The following RUVBL1 variants were observed in gnomAD, a reference collection of about 807,000 sequenced individuals.
RUVBL1 encodes the protein RuvB like AAA ATPase 1.
Under a neutral mutation model 52.4 loss-of-function variants are expected in RUVBL1, and 4 were observed. The observed-to-expected ratio is 0.08, with a 90% CI of 0.04 to 0.17. The LOEUF (loss-of-function observed/expected upper bound fraction) is 0.17, where lower values mean the gene tolerates loss of function less well. RUVBL1 is among the 10% of genes least tolerant of loss of function. The probability of loss-of-function intolerance (pLI) is 1.00; values close to 1 mark genes in which losing one functional copy is unlikely to be tolerated. For missense variants in RUVBL1, 298 were observed against 572.8 expected, an observed-to-expected ratio of 0.52 and a Z score of 4.90; for synonymous variants, 217 against 214.4, an observed-to-expected ratio of 1.01 and a Z score of -0.10.
At chr3:128,146,117 G>A (rs572051363) in intron 1 of RUVBL1, among the ~76,000 whole-genome samples, 1 of 152,340 alleles carries the variant, frequency 6.6e-6, no homozygotes, top group South Asian at 2.1e-4. Flanking sequence ...TGCAGGACGT[G>A]ACAGTTGAAC....
chr3:128,153,808 C>G (rs766214260), exon 1 of RUVBL1: 1 of 1,517,142 alleles, frequency 6.6e-7, no homozygotes, highest in South Asian at 1.2e-5. Flanking sequence ...CTCCCTCATC[C>G]GGACCATCAT....
At chr3:128,086,806 A>G (rs1278002082) in intron 9 of RUVBL1, among the ~76,000 whole-genome samples, 1 of 152,240 alleles carries the variant, frequency 6.6e-6, no homozygotes, top group Non-Finnish European at 1.5e-5. Context: ...GCTCCAAACC[A>G]AGCAAGAGGC....
chr3:128,101,686 T>C (rs756695998), intron 4 of RUVBL1, 38 bp from the exon 5 acceptor site: 4 of 1,589,434 alleles, frequency 2.5e-6, no homozygotes, highest in Non-Finnish European at 3.4e-6. Flanking sequence ...GTAATACATA[T>C]TCCATTTCCT....
At chr3:128,106,229 C>T (rs1943232094) in intron 3 of RUVBL1, among the ~76,000 whole-genome samples, 1 of 152,118 alleles carries the variant, frequency 6.6e-6, no homozygotes, top group South Asian at 2.1e-4. Context: ...TTCCAAAGCA[C>T]CTTACATTAG....
upstream of RUVBL1, among the ~76,000 whole-genome samples, chr3:128,124,556 C>G (rs1330412077): frequency 1.3e-5 from 2 of 152,224 alleles, no homozygotes; most frequent in Non-Finnish European, 2.9e-5. Flanking sequence ...ATTGTCCCTT[C>G]AGGTTTCATA....
chr3:128,093,065 T>A (rs1398530701), intron 8 of RUVBL1, among the ~76,000 whole-genome samples: 1 of 152,038 alleles, frequency 6.6e-6, no homozygotes, highest in Non-Finnish European at 1.5e-5. Flanking sequence ...ACACAAATGT[T>A]CAGAGCACCA....
intron 9 of RUVBL1, chr3:128,066,716 G>A (rs1310358726): frequency 2.3e-5 from 13 of 554,890 alleles, no homozygotes; most frequent in Admixed American, 1.6e-4. Context: ...AAGTCACCAC[G>A]CCTAGCCTTC....
intron 5 of RUVBL1, 88 bp downstream of exon 5, chr3:128,101,471 C>G: frequency 8.1e-7 from 1 of 1,240,210 alleles, no homozygotes. Flanking sequence ...ACACCCCACA[C>G]CCTCTGAAGA....
intron 8 of RUVBL1, among the ~76,000 whole-genome samples, chr3:128,095,561 GGGGA>G (rs1942949543): frequency 6.6e-6 from 1 of 152,206 alleles, no homozygotes; most frequent in African/African-American, 2.4e-5. Context: ...CATCACGGAC[GGGGA>G]TTCAGAGTAG....
Position 128,121,583 on chromosome 3 carries a change from G to A in RUVBL1, c.141+2001C>T, listed in dbSNP as rs77375055. ...AAATTAGCCGAGCGTGGTGGTAGGC[G>A]CCTGTAATCCCAGCTACTCACGAGG... On this transcript the variant is annotated intron_variant, in intron 1 of 10. Transcript: ENST00000322623. Among the ~76,000 whole-genome samples, 3,370 of 151,198 alleles carry A rather than the reference G, an allele frequency of 0.022. 385 individuals are homozygous for A. The East Asian group carries it at 0.35, about 16-fold the overall frequency.
exon 10 of RUVBL1, chr3:128,064,809 TAAG>T: frequency 7.1e-7 from 1 of 1,405,228 alleles, no homozygotes; most frequent in Non-Finnish European, 9.7e-7. Flanking sequence ...ATTTGTCTGC[TAAG>T]AAGGCTAGAA....
intron 1 of RUVBL1, among the ~76,000 whole-genome samples, chr3:128,142,322 G>T (rs1313927269): frequency 6.6e-6 from 1 of 152,196 alleles, no homozygotes; most frequent in Non-Finnish European, 1.5e-5. Context: ...GGCAGGCATT[G>T]AGGTCTCTTC....
At chr3:128,114,597 G>C (rs1238393703) in intron 2 of RUVBL1, among the ~76,000 whole-genome samples, 1 of 152,130 alleles carries the variant, frequency 6.6e-6, no homozygotes, top group Non-Finnish European at 1.5e-5. Flanking sequence ...GTGACCTTCA[G>C]CAAGGCCGAG....
chr3:128,151,235 T>A (rs911370627), intron 1 of RUVBL1, among the ~76,000 whole-genome samples: 2 of 139,802 alleles, frequency 1.4e-5, no homozygotes, highest in Non-Finnish European at 3.0e-5. Context: ...TCTATATATA[T>A]ATACTCTATA....
intron 1 of RUVBL1, among the ~76,000 whole-genome samples, chr3:128,137,063 T>C (rs771308176): frequency 1.3e-5 from 2 of 152,074 alleles, no homozygotes; most frequent in Admixed American, 1.3e-4. Flanking sequence ...TTCTTAAGGA[T>C]AGACCACGTT....
chr3:128,076,830 G>A (rs1166871355), downstream of RUVBL1, among the ~76,000 whole-genome samples: 1 of 152,140 alleles, frequency 6.6e-6, no homozygotes, highest in Middle Eastern at 3.2e-3. This position sits in a 1 kb window ranked among gnomAD's most constrained non-coding sequence, Gnocchi z 6.8. Flanking sequence ...GCCGTGTGCG[G>A]CGTCCCAGCC....
At chr3:128,150,626 A>G (rs1559841114) in intron 1 of RUVBL1, among the ~76,000 whole-genome samples, 1 of 126,758 alleles carries the variant, frequency 7.9e-6, no homozygotes, top group Non-Finnish European at 1.6e-5. Flanking sequence ...TATATATTCT[A>G]TGTATATATT....
At chr3:128,087,669 T>G in intron 9 of RUVBL1, 37 bp downstream of exon 9, 33 of 1,532,324 alleles carry the variant, frequency 2.2e-5, no homozygotes, top group African/African-American at 2.7e-5. Context: ...TGGGAGCAAA[T>G]GAGAGAAGAG....
In RUVBL1 at chr3:128,101,135, C is replaced by T. The variant is rs145827222; in HGVS notation, c.604-391G>A. On this transcript the variant is annotated intron_variant, in intron 5 of 10. Coordinates refer to ENST00000322623, the MANE Select transcript of RUVBL1 (RefSeq NM_003707.3). ...CCATTAAACAGTGAGGAACACTGTA[C>T]AGGACCCTGAAAATCAGATAGAAAA... 1.3e-4 allele frequency among the ~76,000 whole-genome samples: 20 copies of T among 152,298 alleles called. No individual in the cohort carries two copies. In the East Asian group the frequency reaches 3.9e-3, roughly 29 times the overall value.
Sources: allele counts gnomAD v4.1 joint callset (sites outside exome capture counted in the v4.1 genomes callset), GRCh38; gene constraint gnomAD v4.1.1; non-coding constraint Gnocchi (gnomAD v3.1); transcripts MANE v1.5; gene names NCBI Gene and HGNC (gene_info 2026-07-23, HGNC 2026-07-21).